The following MSI2 variants were observed in gnomAD, a reference collection of about 807,000 sequenced individuals.
The protein encoded by MSI2 is RNA-binding protein Musashi homolog 2.
A neutral mutation model predicts 45.6 loss-of-function variants in MSI2; 17 were observed. That is an observed-to-expected ratio of 0.37 (90% CI 0.26 to 0.56). MSI2 has a LOEUF of 0.56. Ranked by LOEUF, MSI2 falls within the 20% of genes least tolerant of loss-of-function variation. The pLI is 0.77. For synonymous variants in MSI2, 156 were observed against 158.2 expected, an observed-to-expected ratio of 0.99 and a Z score of 0.11; for missense variants, 293 against 444.2, an observed-to-expected ratio of 0.66 and a Z score of 3.06.
rs1291485597 is a variant in MSI2, at chr17:57,299,910, G to A, written c.312+37718G>A. Among the ~76,000 whole-genome samples the A allele has an allele frequency of 2.0e-5, 3 of 152,298 alleles. No homozygotes were observed. The South Asian group carries it at 6.2e-4, about 32-fold the overall frequency. On this transcript the variant is annotated intron_variant, in intron 5 of 13. Coordinates refer to ENST00000284073, the MANE Select transcript of MSI2 (RefSeq NM_138962.4). ...TGCCTTTGGTTTATGGGCATTCATA[G>A]TGATGACCTCTAGGGAGGGCAGATT...
chr17:57,348,707 G>A lies in MSI2; in HGVS notation c.313-52672G>A, dbSNP rs145090963. On this transcript the variant is annotated intron_variant, in intron 5 of 13. Transcript: ENST00000284073. ...ACATGCTTGTACAGCCTGAAGAACC[G>A]CGAGCCAAAAAACTTCCTTTCTTTA... Among the ~76,000 whole-genome samples the A allele has an allele frequency of 6.8e-3, 1,031 of 152,146 alleles. 10 individuals are homozygous for A. Among genetic ancestry groups the A allele is most frequent in the South Asian group, 0.02 (94 of 4,820 alleles).
Position 57,310,255 on chromosome 17 carries a change from C to T in MSI2, c.312+48063C>T, listed in dbSNP as rs532889052. On this transcript the variant is annotated intron_variant, in intron 5 of 13. Coordinates refer to ENST00000284073, the MANE Select transcript of MSI2 (RefSeq NM_138962.4). ...ACATTGCCTGTCTTCCTAAAGGCAT[C>T]GGTGCACAGGGCACCTGGGAATGAC... is the stretch of plus-strand genomic sequence containing the variant. Among the ~76,000 whole-genome samples, 8 of 152,188 alleles carry T rather than the reference C, an allele frequency of 5.3e-5. No homozygotes were observed. The South Asian group carries it at 1.2e-3, about 24-fold the overall frequency.
intron 7 of MSI2, among the ~76,000 whole-genome samples, chr17:57,538,867 G>T (rs2086979648): frequency 1.3e-5 from 2 of 152,146 alleles, no homozygotes; most frequent in African/African-American, 2.4e-5. Context: ...CTAAGCTCTG[G>T]GACTTAATAG....
intron 6 of MSI2, among the ~76,000 whole-genome samples, chr17:57,497,103 A>C (rs1026299394): frequency 6.6e-5 from 10 of 152,096 alleles, no homozygotes; most frequent in African/African-American, 2.4e-4. Flanking sequence ...TCGCCTCCCA[A>C]GTAGCTAGGA....
At chr17:57,668,730 CTGTT>C (rs1455964908) in intron 11 of MSI2, among the ~76,000 whole-genome samples, 1 of 152,196 alleles carries the variant, frequency 6.6e-6, no homozygotes, top group Non-Finnish European at 1.5e-5. Context: ...AGTAATATAT[CTGTT>C]TGTATATGCA....
chr17:57,396,514 T>G (rs936841964), intron 5 of MSI2, among the ~76,000 whole-genome samples: 3 of 152,002 alleles, frequency 2.0e-5, no homozygotes, highest in South Asian at 2.1e-4. Context: ...GCAAACACAT[T>G]TTTTAAAAGG....
At chr17:57,545,333 G>A (rs1227157451) in intron 7 of MSI2, among the ~76,000 whole-genome samples, 1 of 152,184 alleles carries the variant, frequency 6.6e-6, no homozygotes, top group Non-Finnish European at 1.5e-5. Context: ...GCTATGAATT[G>A]GAACTGGGTG....
intron 7 of MSI2, among the ~76,000 whole-genome samples, chr17:57,573,006 A>G (rs893096694): frequency 1.3e-5 from 2 of 152,224 alleles, no homozygotes; most frequent in East Asian, 3.9e-4. Context: ...AGGATCCCAC[A>G]TGGGCACAGT....
chr17:57,643,318 T>TGTTGTGGAGACAGGTTGA (rs1342177822), intron 10 of MSI2, among the ~76,000 whole-genome samples: 1 of 152,246 alleles, frequency 6.6e-6, no homozygotes, highest in Non-Finnish European at 1.5e-5. Flanking sequence ...CACCACGTTC[T>TGTTGTGGAGACAGGTTGA]GTTGTGGAGA....
At chr17:57,504,425 G>T (rs1023817571) in intron 6 of MSI2, among the ~76,000 whole-genome samples, 1 of 152,186 alleles carries the variant, frequency 6.6e-6, no homozygotes, top group South Asian at 2.1e-4. Flanking sequence ...GGGGGTGTGC[G>T]TCCGAGGGGA....
chr17:57,515,334 G>C (rs1217681242), intron 6 of MSI2, among the ~76,000 whole-genome samples: 2 of 152,170 alleles, frequency 1.3e-5, no homozygotes, highest in Admixed American at 1.3e-4. Flanking sequence ...ATCCCGAGTA[G>C]CTGGGATTAC....
intron 6 of MSI2, among the ~76,000 whole-genome samples, chr17:57,466,153 C>A (rs2085326521): frequency 6.6e-6 from 1 of 152,138 alleles, no homozygotes; most frequent in Non-Finnish European, 1.5e-5. Context: ...AGGGGAGAGG[C>A]CCTGTCACTC....
At chr17:57,698,928 T>C in the MSI2 span, among the ~76,000 whole-genome samples, 78 of 147,008 alleles carry the variant, frequency 5.3e-4, no homozygotes, top group African/African-American at 1.9e-3. Flanking sequence ...TGTGTGTGTG[T>C]GTGTGTGTGT....
chr17:57,480,150 A>T (rs2085620027), intron 6 of MSI2, among the ~76,000 whole-genome samples: 1 of 152,050 alleles, frequency 6.6e-6, no homozygotes, highest in African/African-American at 2.4e-5. Flanking sequence ...TTTTGTAGAG[A>T]TGGGGTTTCA....
intron 6 of MSI2, among the ~76,000 whole-genome samples, chr17:57,422,195 C>T (rs2084408070): frequency 6.6e-6 from 1 of 152,206 alleles, no homozygotes; most frequent in African/African-American, 2.4e-5. Context: ...GGTGCGGTGG[C>T]TCACGCCTGT....
intron 6 of MSI2, among the ~76,000 whole-genome samples, chr17:57,511,279 A>G (rs929637920): frequency 1.3e-5 from 2 of 152,340 alleles, no homozygotes; most frequent in African/African-American, 4.8e-5. Context: ...TCAGGGTGGA[A>G]CAAAGGAAGG....
At chr17:57,471,277 CTTTTTTTTTTTTTT>C (rs529448901) in intron 6 of MSI2, among the ~76,000 whole-genome samples, 1,788 of 83,690 alleles carry the variant, frequency 0.021, 25 homozygotes, top group Non-Finnish European at 0.029. Context: ...TTATGGAGCA[CTTTTTTTTTTTTTT>C]TTTTTTTTTT....
At chr17:57,551,237 T>C (rs1304551034) in intron 7 of MSI2, among the ~76,000 whole-genome samples, 1 of 152,172 alleles carries the variant, frequency 6.6e-6, no homozygotes, top group Admixed American at 6.5e-5. Flanking sequence ...AGCAATATTA[T>C]GTCTCAGACT....
rs866869722 is a variant in MSI2 at position 57,393,804 on chromosome 17, C to A, written c.313-7575C>A. On this transcript the variant is annotated intron_variant, in intron 5 of 13. Coordinates refer to ENST00000284073, the MANE Select transcript of MSI2 (RefSeq NM_138962.4). ...TCAAGTGATTCTCCTGCCTCAGCCT[C>A]CCAAGTAGCTGGGATTACAGACGTG... is the stretch of plus-strand genomic sequence containing the variant. Among the ~76,000 whole-genome samples the A allele has an allele frequency of 8.5e-5, 13 of 152,216 alleles. No individual in the cohort carries two copies. In the South Asian group the frequency reaches 2.3e-3, roughly 27 times the overall value.
Sources: gnomAD v4.1 joint callset for allele counts (sites outside exome capture counted in the v4.1 genomes callset) on GRCh38, gnomAD v4.1.1 for gene constraint, MANE v1.5 for transcripts, NCBI Gene and HGNC (gene_info 2026-07-23, HGNC 2026-07-21) for gene names.